NALF1: variants seen among roughly 807,000 people sequenced by gnomAD.
NALF1 encodes NALCN channel auxiliary factor 1, also known as family with sequence similarity 155 member A.
NALF1 carries 3 observed loss-of-function variants against 48.4 expected under a neutral mutation model. That is an observed-to-expected ratio of 0.06 (90% CI 0.03 to 0.16). NALF1 has a LOEUF of 0.16. Ranked by LOEUF, NALF1 falls within the 10% of genes least tolerant of loss-of-function variation. The pLI is 1.00. For missense variants in NALF1, 526 were observed against 571.5 expected, an observed-to-expected ratio of 0.92 and a Z score of 0.81; for synonymous variants, 262 against 245.7, an observed-to-expected ratio of 1.07 and a Z score of -0.62.
At chr13:107,397,970 G>A (rs1883740552) in intron 1 of NALF1, among the ~76,000 whole-genome samples, 1 of 152,042 alleles carries the variant, frequency 6.6e-6, no homozygotes, top group Non-Finnish European at 1.5e-5. Context: ...AATTAATCAT[G>A]GTACAGATGA....
intron 1 of NALF1, among the ~76,000 whole-genome samples, chr13:107,342,440 A>G (rs768754774): frequency 1.1e-4 from 16 of 152,174 alleles, no homozygotes; most frequent in Non-Finnish European, 1.0e-4. Flanking sequence ...AAGATGGTGG[A>G]AAAGTAAGTC....
At chr13:107,459,274 A>G (rs1391023609) in intron 1 of NALF1, among the ~76,000 whole-genome samples, 1 of 152,140 alleles carries the variant, frequency 6.6e-6, no homozygotes, top group Non-Finnish European at 1.5e-5. Flanking sequence ...CAGACACCTC[A>G]TCAGAGAAGA....
intron 1 of NALF1, among the ~76,000 whole-genome samples, chr13:107,560,753 TA>T (rs1321890124): frequency 1.3e-5 from 2 of 152,192 alleles, no homozygotes; most frequent in Non-Finnish European, 2.9e-5. Flanking sequence ...CAAGGCCATT[TA>T]TTTTTATATT....
In NALF1 at chr13:107,205,151, C is replaced by T. The variant is rs1378309663; in HGVS notation, c.1087+5433G>A. On this transcript the variant is annotated intron_variant, in intron 2 of 2. Coordinates refer to ENST00000375915, the MANE Select transcript of NALF1 (RefSeq NM_001080396.3). ...AGGTATATCTCCCAATGCTATCCCT[C>T]CCCCTTTCCCCCCACCCCACAACAG... Among the ~76,000 whole-genome samples, 3 of 151,742 alleles carry T rather than the reference C, an allele frequency of 2.0e-5. No individual in the cohort carries two copies. The East Asian group carries it at 5.8e-4, about 29-fold the overall frequency.
intron 2 of NALF1, among the ~76,000 whole-genome samples, chr13:107,173,470 A>C (rs1272231943): frequency 2.0e-5 from 3 of 152,050 alleles, no homozygotes; most frequent in Non-Finnish European, 4.4e-5. Flanking sequence ...CCCTCTTCTA[A>C]CTCATTCAAC....
At chr13:107,369,741 A>C (rs537277185) in intron 1 of NALF1, among the ~76,000 whole-genome samples, 1 of 152,292 alleles carries the variant, frequency 6.6e-6, no homozygotes, top group South Asian at 2.1e-4. Context: ...AAATGGAAGA[A>C]TCCCTTTGGA....
rs1468700722 is a variant in NALF1, at chr13:107,867,247, G to A, written c.-651C>T. 6.6e-6 allele frequency among the ~76,000 whole-genome samples: 1 copy of A among 150,404 alleles called. No individual in the cohort carries two copies. The highest frequency in any genetic ancestry group is 1.5e-5 in the Non-Finnish European group (1 of 67,344). On this transcript the variant is annotated 5_prime_UTR_variant, in exon 1 of 3. Transcript: ENST00000375915. This position sits in a 1 kb window ranked among gnomAD's most constrained non-coding sequence, Gnocchi z 4.4. ...TGGCTCTCCCAGAGTCCGGAGCCTG[G>A]GCTGCCTCCGGCGGGGCGCTCCCTC...
intron 1 of NALF1, among the ~76,000 whole-genome samples, chr13:107,756,377 G>A (rs756591203): frequency 6.6e-6 from 1 of 150,896 alleles, no homozygotes; most frequent in Non-Finnish European, 1.5e-5. Context: ...GAGCAAGGAT[G>A]TAGGGTAGAG....
rs58981652 is a variant in NALF1 at position 107,644,646 on chromosome 13, CAT to C, written c.915+221034_915+221035del. On this transcript the variant is annotated intron_variant, in intron 1 of 2. Coordinates refer to ENST00000375915, the MANE Select transcript of NALF1 (RefSeq NM_001080396.3). ...GTGTGTATACATACATACATACATA[CAT>C]ATATATATATATATATATGCTTTCA... is the stretch of plus-strand genomic sequence containing the variant. Among the ~76,000 whole-genome samples the C allele has an allele frequency of 9.0e-4, 97 of 108,094 alleles. 1 individual carries two copies. The highest frequency in any genetic ancestry group is 9.3e-4 in the Non-Finnish European group (50 of 53,954). 70.9% of individuals were successfully genotyped at this position (108,094 alleles called of 152,430 possible).
At chr13:107,631,799 T>C (rs899400932) in intron 1 of NALF1, among the ~76,000 whole-genome samples, 30 of 152,128 alleles carry the variant, frequency 2.0e-4, no homozygotes, top group Admixed American at 5.2e-4. Context: ...ATTATATATA[T>C]AGCCAGAAAT....
intron 1 of NALF1, among the ~76,000 whole-genome samples, chr13:107,255,417 C>T (rs1880793221): frequency 6.6e-6 from 1 of 152,228 alleles, no homozygotes; most frequent in South Asian, 2.1e-4. Context: ...TCTGTGACTG[C>T]TGAGGATGCT....
intron 1 of NALF1, among the ~76,000 whole-genome samples, chr13:107,542,215 A>T (rs1877017777): frequency 1.3e-5 from 2 of 152,194 alleles, no homozygotes; most frequent in South Asian, 2.1e-4. Context: ...GTGCTAAGTG[A>T]AAGAAACAAG....
chr13:107,667,504 T>C (rs994473767), intron 1 of NALF1, among the ~76,000 whole-genome samples: 1 of 152,100 alleles, frequency 6.6e-6, no homozygotes, highest in Middle Eastern at 3.2e-3. Context: ...TGTCACTAAA[T>C]GGTTTAGGCC....
chr13:107,422,705 T>C (rs1278701785), intron 1 of NALF1, among the ~76,000 whole-genome samples: 1 of 152,074 alleles, frequency 6.6e-6, no homozygotes, highest in Non-Finnish European at 1.5e-5. Flanking sequence ...ACATGGCAAA[T>C]GGGACTTTGC....
At chr13:107,259,333 G>C (rs1880884537) in intron 1 of NALF1, among the ~76,000 whole-genome samples, 1 of 152,162 alleles carries the variant, frequency 6.6e-6, no homozygotes, top group African/African-American at 2.4e-5. Flanking sequence ...CTGAAGAACT[G>C]AATTCATTGA....
chr13:107,214,408 A>C (rs1450254411), intron 1 of NALF1, among the ~76,000 whole-genome samples: 2 of 152,200 alleles, frequency 1.3e-5, no homozygotes, highest in Non-Finnish European at 2.9e-5. Flanking sequence ...TATAGAGAGA[A>C]ATATTAGGTA....
intron 1 of NALF1, among the ~76,000 whole-genome samples, chr13:107,481,171 T>C (rs1284911840): frequency 1.3e-5 from 2 of 152,164 alleles, no homozygotes; most frequent in African/African-American, 2.4e-5. Context: ...TACCACTGGA[T>C]TGATTGCTGA....
intron 1 of NALF1, among the ~76,000 whole-genome samples, chr13:107,705,332 T>G (rs1426724688): frequency 6.6e-6 from 1 of 152,210 alleles, no homozygotes; most frequent in African/African-American, 2.4e-5. Flanking sequence ...ACTGAGAGTT[T>G]TAAAAACAAA....
At chr13:107,272,644 CT>C (rs1300571552) in intron 1 of NALF1, among the ~76,000 whole-genome samples, 2 of 152,044 alleles carry the variant, frequency 1.3e-5, no homozygotes, top group African/African-American at 4.8e-5. Context: ...TTAATAGTTC[CT>C]GTTTTGTGTG....
Sources: gnomAD v4.1 joint callset for allele counts (sites outside exome capture counted in the v4.1 genomes callset) on GRCh38, gnomAD v4.1.1 for gene constraint, Gnocchi (gnomAD v3.1) non-coding constraint, MANE v1.5 for transcripts, NCBI Gene and HGNC (gene_info 2026-07-23, HGNC 2026-07-21) for gene names.